Variants in TNFRSF21 observed in about 807,000 individuals in gnomAD.
TNFRSF21 encodes the protein tumor necrosis factor receptor superfamily member 21.
A neutral mutation model predicts 45.6 loss-of-function variants in TNFRSF21; 19 were observed. The ratio of observed to expected loss-of-function variants is 0.42; its 90% CI spans 0.29 to 0.61. TNFRSF21 has a LOEUF of 0.61. Among genes scored for constraint, TNFRSF21 ranks in the 20% least tolerant of loss-of-function variants. The pLI is 0.23. For missense variants in TNFRSF21, 737 were observed against 851.5 expected, an observed-to-expected ratio of 0.87 and a Z score of 1.67; for synonymous variants, 314 against 335.5, an observed-to-expected ratio of 0.94 and a Z score of 0.70.
At chr6:47,253,790 C>T (rs878963860) in intron 3 of TNFRSF21, among the ~76,000 whole-genome samples, 17 of 152,164 alleles carry the variant, frequency 1.1e-4, no homozygotes, top group African/African-American at 3.6e-4. Context: ...AAAGATGTTT[C>T]GAAAGCCAAA....
intron 3 of TNFRSF21, among the ~76,000 whole-genome samples, chr6:47,259,856 A>C (rs1229249516): frequency 1.3e-5 from 2 of 152,202 alleles, no homozygotes; most frequent in East Asian, 3.9e-4. Context: ...GGTAGTGGGA[A>C]GATCATTGGT....
intron 3 of TNFRSF21, among the ~76,000 whole-genome samples, chr6:47,269,400 A>C (rs1762381604): frequency 6.6e-6 from 1 of 152,236 alleles, no homozygotes; most frequent in African/African-American, 2.4e-5. Context: ...AATATATATA[A>C]TTAAATAAAA....
intron 3 of TNFRSF21, among the ~76,000 whole-genome samples, chr6:47,265,286 T>A (rs576982661): frequency 8.5e-5 from 13 of 152,364 alleles, no homozygotes; most frequent in Admixed American, 2.6e-4. Context: ...GAAAATTTAC[T>A]GTTGATGACA....
At position 47,292,854 on chromosome 6, in the gene TNFRSF21, G is replaced by A. The variant is rs575054033; in HGVS notation, c.97-6259C>T. On this transcript the variant is annotated intron_variant, in intron 1 of 5. Transcript: ENST00000296861. ...CATATATGCATGCACACCTTAAATT[G>A]GCTGTTCCCATTGATTTTTGTTTTG... Among the ~76,000 whole-genome samples the A allele has an allele frequency of 3.3e-5, 5 of 152,160 alleles. No homozygotes were observed. The South Asian group carries it at 1.0e-3, about 32-fold the overall frequency.
rs771534447 is a variant in TNFRSF21, at chr6:47,253,489, C to G, written c.1276G>C (p.Val426Leu). Residue 426 changes from valine to leucine, a missense_variant, in exon 4 of 6, where the codon GTG becomes CTG. Transcript: ENST00000296861. ...TAGATATCTTTCCACTGGCTTCCCA[C>G]TTGGGCTGCTACAAGCTTCAGGATA... ...IDILKLVAAQ[V>L]GSQWKDIYQF... 1.2e-6 allele frequency: 2 copies of G among 1,613,252 alleles called. No individual in the cohort carries two copies. The highest frequency in any genetic ancestry group is 1.7e-6 in the Non-Finnish European group (2 of 1,180,038).
chr6:47,294,093 T>C (rs1762764509), intron 1 of TNFRSF21, among the ~76,000 whole-genome samples: 1 of 152,180 alleles, frequency 6.6e-6, no homozygotes, highest in South Asian at 2.1e-4. Flanking sequence ...AACCAACATA[T>C]TAGAAGTGGT....
chr6:47,273,265 A>G (rs925798508), intron 3 of TNFRSF21, among the ~76,000 whole-genome samples: 4 of 152,244 alleles, frequency 2.6e-5, no homozygotes, highest in South Asian at 2.1e-4. Context: ...AAAATCCTCA[A>G]TAAAATACTT....
intron 3 of TNFRSF21, among the ~76,000 whole-genome samples, chr6:47,278,435 C>A (rs904742913): frequency 2.0e-5 from 3 of 152,172 alleles, no homozygotes; most frequent in Admixed American, 2.0e-4. Context: ...AAGCTATGTG[C>A]GGCTACTGAG....
chr6:47,244,371 T>C (rs1297306889), intron 4 of TNFRSF21, among the ~76,000 whole-genome samples: 1 of 151,312 alleles, frequency 6.6e-6, no homozygotes, highest in Non-Finnish European at 1.5e-5. Context: ...CTCTGTGAAC[T>C]GTCTTGTTCA....
intron 3 of TNFRSF21, among the ~76,000 whole-genome samples, chr6:47,257,954 CATT>C (rs1765012964): frequency 6.6e-6 from 1 of 152,110 alleles, no homozygotes; most frequent in African/African-American, 2.4e-5. Context: ...AGTGGAGGAA[CATT>C]ATTATTTGCT....
At chr6:47,273,120 T>C (rs1561945949) in intron 3 of TNFRSF21, among the ~76,000 whole-genome samples, 2 of 152,162 alleles carry the variant, frequency 1.3e-5, no homozygotes. Flanking sequence ...TCTGAAACTA[T>C]TCCAATCAAC....
At chr6:47,251,875 G>A (rs563796149) in intron 4 of TNFRSF21, among the ~76,000 whole-genome samples, 1 of 152,258 alleles carries the variant, frequency 6.6e-6, no homozygotes, top group South Asian at 2.1e-4. Context: ...TTCTTAGAAA[G>A]TCATAAGACA....
chr6:47,309,321 TC>T, intron 1 of TNFRSF21, 94 bp downstream of exon 1: 2 of 1,432,630 alleles, frequency 1.4e-6, no homozygotes, highest in Non-Finnish European at 1.8e-6. Flanking sequence ...GCCCCGCGCC[TC>T]CCTAAGCCCC....
intron 1 of TNFRSF21, among the ~76,000 whole-genome samples, chr6:47,292,323 G>A (rs1013036359): frequency 1.5e-4 from 23 of 152,092 alleles, no homozygotes; most frequent in African/African-American, 5.5e-4. Flanking sequence ...CTAGATCGGA[G>A]GCTCACCAAA....
intron 3 of TNFRSF21, among the ~76,000 whole-genome samples, chr6:47,275,128 C>T (rs551867029): frequency 1.2e-4 from 19 of 152,284 alleles, no homozygotes; most frequent in African/African-American, 3.4e-4. Flanking sequence ...CTAGAATTAT[C>T]ATTTGACCCA....
chr6:47,294,462 G>A (rs1001315131), intron 1 of TNFRSF21, among the ~76,000 whole-genome samples: 2 of 152,144 alleles, frequency 1.3e-5, no homozygotes, highest in Non-Finnish European at 2.9e-5. Flanking sequence ...TTAAAAGCGA[G>A]CAGGAGAAAA....
intron 2 of TNFRSF21, among the ~76,000 whole-genome samples, chr6:47,285,132 T>G (rs911535650): frequency 6.6e-6 from 1 of 152,194 alleles, no homozygotes; most frequent in Non-Finnish European, 1.5e-5. Flanking sequence ...TCATTTCAAC[T>G]GGCAATTGTA....
At chr6:47,269,589 C>T (rs1762383136) in intron 3 of TNFRSF21, among the ~76,000 whole-genome samples, 1 of 152,184 alleles carries the variant, frequency 6.6e-6, no homozygotes, top group African/African-American at 2.4e-5. Context: ...TAGCCAAATT[C>T]CAACTAATTC....
At chr6:47,288,404 G>A (rs1408584550) in intron 1 of TNFRSF21, among the ~76,000 whole-genome samples, 1 of 152,156 alleles carries the variant, frequency 6.6e-6, no homozygotes, top group Admixed American at 6.5e-5. Flanking sequence ...GAGGGCATGA[G>A]GGGTGAGTTC....
Sources: allele counts gnomAD v4.1 joint callset (sites outside exome capture counted in the v4.1 genomes callset), GRCh38; gene constraint gnomAD v4.1.1; transcripts MANE v1.5; gene names NCBI Gene and HGNC (gene_info 2026-07-23, HGNC 2026-07-21).